Variants in HDAC9 observed in about 807,000 individuals in gnomAD.
HDAC9 encodes histone deacetylase 9, also known as MEF-2 interacting transcription repressor (MITR) protein.
In HDAC9, 41 loss-of-function variants were observed where a neutral mutation model predicts 139.4. The observed-to-expected ratio is 0.29, with a 90% CI of 0.23 to 0.38. The LOEUF is 0.38. Among genes scored for constraint, HDAC9 ranks in the 10% least tolerant of loss-of-function variants. The pLI, the probability that HDAC9 is intolerant of heterozygous loss-of-function variation, is 1.00. For synonymous variants in HDAC9, 517 were observed against 476.2 expected (o/e 1.09, Z -1.12); for missense variants, 1,147 against 1,297.0 (o/e 0.88, Z 1.78).
At chr7:18,739,030 C>T (rs538276510) in intron 13 of HDAC9, among the ~76,000 whole-genome samples, 3 of 152,232 alleles carry the variant, frequency 2.0e-5, no homozygotes, top group African/African-American at 7.2e-5. Flanking sequence ...TCACTGATTC[C>T]CTTTCTTCCA....
chr7:18,162,788 C>T (rs927344337), intron 2 of HDAC9, among the ~76,000 whole-genome samples: 2 of 152,114 alleles, frequency 1.3e-5, no homozygotes, highest in Non-Finnish European at 2.9e-5. Flanking sequence ...GATATTTTTC[C>T]TCCCCACCCT....
intron 14 of HDAC9, among the ~76,000 whole-genome samples, chr7:18,752,338 A>C (rs1261921088): frequency 6.6e-6 from 1 of 152,084 alleles, no homozygotes; most frequent in Non-Finnish European, 1.5e-5. Context: ...ATCAAAGATA[A>C]TGACAGTATC....
At chr7:18,304,821 C>G (rs993777605) in intron 1 of HDAC9, among the ~76,000 whole-genome samples, 1 of 152,072 alleles carries the variant, frequency 6.6e-6, no homozygotes, top group African/African-American at 2.4e-5. Flanking sequence ...GAGAAATTCT[C>G]CAGCAGATCA....
Position 18,593,948 on chromosome 7 carries a change from C to T in HDAC9, c.583C>T (p.Leu195Phe). 3 of 1,612,672 alleles carry T rather than the reference C, an allele frequency of 1.9e-6. No individual in the cohort carries two copies. The highest frequency in any genetic ancestry group is 2.5e-6 in the Non-Finnish European group (3 of 1,178,878). ...ATCATTGGATCAAAGCTCTCCACCC[C>T]TTAGTGGAACATCTCCATCCTACAA... is the stretch of plus-strand genomic sequence containing the variant. ...HTSLDQSSPPLSGTSPSYKYT... is the reference protein window; with the variant it reads ...HTSLDQSSPPFSGTSPSYKYT... Residue 195 changes from leucine (L) to phenylalanine (F), a missense_variant, in exon 6 of 26, where the codon CTT becomes TTT. Transcript: ENST00000686413.
At chr7:18,444,151 A>G (rs969002305) in intron 1 of HDAC9, among the ~76,000 whole-genome samples, 1 of 151,664 alleles carries the variant, frequency 6.6e-6, no homozygotes, top group Non-Finnish European at 1.5e-5. Flanking sequence ...CTAGCCTGAC[A>G]AATATGGTGA....
intron 1 of HDAC9, among the ~76,000 whole-genome samples, chr7:18,326,408 A>C (rs1012352201): frequency 1.3e-5 from 2 of 152,074 alleles, no homozygotes; most frequent in Admixed American, 6.5e-5. Context: ...TGGATAACAC[A>C]TATTCAGAAA....
intron 1 of HDAC9, among the ~76,000 whole-genome samples, chr7:18,451,368 C>T (rs867104917): frequency 3.6e-4 from 50 of 138,864 alleles, no homozygotes; most frequent in Admixed American, 8.7e-4. Context: ...TGTATATGTG[C>T]GTGTGTGTGT....
upstream of HDAC9, chr7:18,290,200 T>G (rs1797717361): frequency 3.8e-6 from 1 of 259,888 alleles, no homozygotes; most frequent in Non-Finnish European, 7.8e-6. Context: ...TTCTTATTAA[T>G]AGTAATAAAA....
At chr7:18,135,528 C>G (rs1785337134) in intron 1 of HDAC9, among the ~76,000 whole-genome samples, 1 of 134,562 alleles carries the variant, frequency 7.4e-6, no homozygotes, top group Non-Finnish European at 1.6e-5. Context: ...GTTCAATTCC[C>G]ACCTATGAGT....
chr7:18,733,280 GTGTATATA>G, intron 13 of HDAC9, among the ~76,000 whole-genome samples: 1 of 96,942 alleles, frequency 1.0e-5, no homozygotes, highest in Non-Finnish European at 2.3e-5. Context: ...AGGTATATAT[GTGTATATA>G]TGTGTATATA....
chr7:18,319,444 A>T (rs1799879313), intron 1 of HDAC9, among the ~76,000 whole-genome samples: 1 of 152,240 alleles, frequency 6.6e-6, no homozygotes, highest in Non-Finnish European at 1.5e-5. Context: ...TTTAAAAATC[A>T]GATCAAATAT....
At chr7:18,162,556 T>G (rs1787706106) in intron 2 of HDAC9, 2 of 580,508 alleles carry the variant, frequency 3.4e-6, no homozygotes, top group Non-Finnish European at 6.1e-6. Context: ...TGATTTGATT[T>G]GCATTGTAGT....
chr7:18,747,601 T>C (rs1049260146), intron 13 of HDAC9, among the ~76,000 whole-genome samples: 3 of 152,280 alleles, frequency 2.0e-5, no homozygotes, highest in Middle Eastern at 6.8e-3. Flanking sequence ...TAAGTGGAGA[T>C]TTTGGATGGA....
intron 21 of HDAC9, among the ~76,000 whole-genome samples, chr7:18,859,846 A>ATGTGTGTGTGTGTGTG (rs1465742573): frequency 1.6e-5 from 2 of 121,710 alleles, no homozygotes; most frequent in Non-Finnish European, 3.4e-5. Context: ...ATATATATAT[A>ATGTGTGTGTGTGTGTG]TATATATATA....
intron 11 of HDAC9, 58 bp from the exon 12 acceptor site, chr7:18,666,155 G>T (rs953786730): frequency 8.8e-5 from 131 of 1,485,142 alleles, no homozygotes; most frequent in Non-Finnish European, 1.1e-4. Context: ...AGTGTAATTT[G>T]CTTCTCTGTT....
chr7:18,471,058 T>G (rs1306929761), intron 1 of HDAC9, among the ~76,000 whole-genome samples: 1 of 152,080 alleles, frequency 6.6e-6, no homozygotes, highest in Non-Finnish European at 1.5e-5. Context: ...CTTTATCAGA[T>G]GGAACCTCTG....
chr7:18,930,781 A>C (rs2129304984), intron 22 of HDAC9, among the ~76,000 whole-genome samples: 1 of 152,312 alleles, frequency 6.6e-6, no homozygotes, highest in Non-Finnish European at 1.5e-5. Context: ...AATGGAAATA[A>C]ACCCTGTAGG....
At chr7:18,622,524 A>G (rs531152861) in intron 6 of HDAC9, among the ~76,000 whole-genome samples, 5 of 151,838 alleles carry the variant, frequency 3.3e-5, no homozygotes, top group Non-Finnish European at 5.9e-5. Flanking sequence ...GGTTTTCACC[A>G]TGTTGGACAG....
intron 2 of HDAC9, among the ~76,000 whole-genome samples, chr7:18,201,537 G>T (rs1370264267): frequency 1.3e-5 from 2 of 152,172 alleles, no homozygotes; most frequent in East Asian, 1.9e-4. Flanking sequence ...GCCCTCATCT[G>T]CAGGGCCCAC....
Sources: gnomAD v4.1 joint callset for allele counts (sites outside exome capture counted in the v4.1 genomes callset) on GRCh38, gnomAD v4.1.1 for gene constraint, MANE v1.5 for transcripts, NCBI Gene and HGNC (gene_info 2026-07-23, HGNC 2026-07-21) for gene names.